Variants in RIT2 observed in about 807,000 individuals in gnomAD.
RIT2 encodes the protein Ras like without CAAX 2.
A neutral mutation model predicts 23.7 loss-of-function variants in RIT2; 24 were observed. The observed-to-expected ratio is 1.01, with a 90% CI of 0.73 to 1.43. The LOEUF (loss-of-function observed/expected upper bound fraction) is 1.43, where lower values mean the gene tolerates loss of function less well. RIT2 is among the 40% of genes most tolerant of loss of function. The pLI is 0.00. For synonymous variants in RIT2, 107 were observed against 91.1 expected, an observed-to-expected ratio of 1.17 and a Z score of -0.99; for missense variants, 236 against 266.9, an observed-to-expected ratio of 0.88 and a Z score of 0.81.
intron 4 of RIT2, among the ~76,000 whole-genome samples, chr18:42,875,886 T>C (rs1268590314): frequency 3.3e-5 from 5 of 151,994 alleles, no homozygotes; most frequent in Admixed American, 3.3e-4. Flanking sequence ...GAAAATAGCA[T>C]AGAAGGGATG....
At chr18:42,813,150 G>A (rs16976953) in intron 4 of RIT2, among the ~76,000 whole-genome samples, 5,369 of 152,188 alleles carry the variant, frequency 0.035, 319 homozygotes, top group African/African-American at 0.12. Context: ...AGATAGTAGC[G>A]TAGTAAGAAT....
intron 1 of RIT2, among the ~76,000 whole-genome samples, chr18:43,061,597 A>G (rs1020621862): frequency 2.0e-5 from 3 of 152,044 alleles, no homozygotes; most frequent in African/African-American, 7.2e-5. Flanking sequence ...TTTCTGTTTT[A>G]CCCACTCTTT....
chr18:42,969,301 T>C (rs915420605), intron 3 of RIT2, among the ~76,000 whole-genome samples: 3 of 152,122 alleles, frequency 2.0e-5, no homozygotes, highest in African/African-American at 7.2e-5. Flanking sequence ...GAAGGGGTCA[T>C]GCCCTTAAGT....
intron 1 of RIT2, among the ~76,000 whole-genome samples, chr18:43,063,966 C>T (rs1598767895): frequency 6.6e-6 from 1 of 152,110 alleles, no homozygotes; most frequent in Admixed American, 6.5e-5. Flanking sequence ...AAACTTCAAT[C>T]ACTGGTTTTA....
chr18:42,847,464 A>G (rs1176051479), intron 4 of RIT2, among the ~76,000 whole-genome samples: 1 of 152,066 alleles, frequency 6.6e-6, no homozygotes, highest in Admixed American at 6.6e-5. Flanking sequence ...TTAAAAAAAA[A>G]TAATAAAAGT....
At chr18:42,955,293 T>C (rs1909946617) in intron 3 of RIT2, among the ~76,000 whole-genome samples, 1 of 152,050 alleles carries the variant, frequency 6.6e-6, no homozygotes, top group African/African-American at 2.4e-5. Flanking sequence ...AGTCCAAGGA[T>C]TCAGATATAA....
chr18:42,795,786 C>T (rs1284413152), intron 4 of RIT2, among the ~76,000 whole-genome samples: 1 of 152,186 alleles, frequency 6.6e-6, no homozygotes, highest in Non-Finnish European at 1.5e-5. Context: ...GGTTTGTAAA[C>T]ACACCAATCA....
chr18:42,825,809 C>G (rs992439533), intron 4 of RIT2, among the ~76,000 whole-genome samples: 1 of 151,888 alleles, frequency 6.6e-6, no homozygotes, highest in Non-Finnish European at 1.5e-5. Flanking sequence ...TAAGGTTTGG[C>G]TAGAATACCC....
rs191857915 is a variant in RIT2, at chr18:42,963,530, T to C, written c.234+10544A>G. 4.6e-5 allele frequency among the ~76,000 whole-genome samples: 7 copies of C among 152,236 alleles called. No individual in the cohort carries two copies. In the East Asian group the frequency reaches 1.4e-3, roughly 29 times the overall value. ...TAACATCATAATATTGCTATATTCA[T>C]GGGAAAAAAAGAAGGAAACATTTTT... On this transcript the variant is annotated intron_variant, in intron 3 of 4. Coordinates refer to ENST00000326695, the MANE Select transcript of RIT2 (RefSeq NM_002930.4).
chr18:42,745,399 T>C (rs975453207), intron 4 of RIT2, among the ~76,000 whole-genome samples: 4 of 152,196 alleles, frequency 2.6e-5, no homozygotes, highest in African/African-American at 7.2e-5. Flanking sequence ...GTGGCTGAGC[T>C]GGGGTGTAAA....
rs1202924540 is a variant in RIT2, at chr18:42,923,821, A to G, written c.235-58T>C. The G allele has an allele frequency of 5.3e-6, 7 of 1,315,908 alleles. No individual in the cohort carries two copies. The East Asian group carries it at 1.6e-4, about 31-fold the overall frequency. 81.5% of individuals were successfully genotyped at this position (1,315,908 alleles called of 1,614,324 possible). On this transcript the variant is annotated intron_variant, in intron 3 of 4. Coordinates refer to ENST00000326695, the MANE Select transcript of RIT2 (RefSeq NM_002930.4). Reference sequence around the variant, plus strand: ...GCTTTCAATATAGCTAATTAATATGAGGTTTAAATGTAATCATTATGAAAT... The same window carrying G: ...GCTTTCAATATAGCTAATTAATATGGGGTTTAAATGTAATCATTATGAAAT...
intron 1 of RIT2, among the ~76,000 whole-genome samples, chr18:43,097,689 C>T (rs1003378064): frequency 1.3e-5 from 2 of 151,856 alleles, no homozygotes; most frequent in African/African-American, 2.4e-5. Flanking sequence ...AGAAGGTCTA[C>T]ATAGAAATCC....
In RIT2 at chr18:43,062,426, C is replaced by T. The variant is rs139943944; in HGVS notation, c.104-28559G>A. On this transcript the variant is annotated intron_variant, in intron 1 of 4. Coordinates refer to ENST00000326695, the MANE Select transcript of RIT2 (RefSeq NM_002930.4). ...ATTCCCATACAGTACAGCCTGTAAT[C>T]CATTATTCTTAGTAGCTGAAAAGAT... Among the ~76,000 whole-genome samples the T allele has an allele frequency of 5.3e-3, 801 of 152,200 alleles. 5 individuals are homozygous for T. Among genetic ancestry groups the T allele is most frequent in the Middle Eastern group, 0.034 (10 of 294 alleles).
rs769689712 is a variant in RIT2 at position 42,854,844 on chromosome 18, A to G, written c.426+68728T>C. On this transcript the variant is annotated intron_variant, in intron 4 of 4. Coordinates refer to ENST00000326695, the MANE Select transcript of RIT2 (RefSeq NM_002930.4). Reference sequence around the variant, plus strand: ...TATGACATAAATACTGAGTAATCCCAACTATTTGCCCTTCCTGCAGGACCC... The same window carrying G: ...TATGACATAAATACTGAGTAATCCCGACTATTTGCCCTTCCTGCAGGACCC... Among the ~76,000 whole-genome samples, 41 of 152,114 alleles carry G rather than the reference A, an allele frequency of 2.7e-4. 1 individual carries two copies. Among genetic ancestry groups the G allele is most frequent in the Non-Finnish European group, 7.4e-5 (5 of 68,006 alleles).
At chr18:42,745,693 C>G (rs1489791187) in intron 4 of RIT2, among the ~76,000 whole-genome samples, 1 of 152,068 alleles carries the variant, frequency 6.6e-6, no homozygotes, top group Non-Finnish European at 1.5e-5. Flanking sequence ...GACTTGCCAG[C>G]AATTGAGCAA....
intron 3 of RIT2, among the ~76,000 whole-genome samples, chr18:42,965,899 A>G (rs1910211488): frequency 6.6e-6 from 1 of 151,692 alleles, no homozygotes; most frequent in South Asian, 2.1e-4. Flanking sequence ...ACTCACCTTC[A>G]CAGAAACAGC....
At chr18:43,107,611 A>G (rs190729309) in intron 1 of RIT2, among the ~76,000 whole-genome samples, 15 of 152,272 alleles carry the variant, frequency 9.9e-5, no homozygotes, top group African/African-American at 1.9e-4. Context: ...ATAAATTCCT[A>G]TAATTACTGG....
At chr18:43,074,340 C>T (rs772150188) in intron 1 of RIT2, among the ~76,000 whole-genome samples, 27 of 152,132 alleles carry the variant, frequency 1.8e-4, no homozygotes, top group Non-Finnish European at 2.9e-4. Context: ...TTTATACATA[C>T]GTGTATGTAT....
intron 4 of RIT2, among the ~76,000 whole-genome samples, chr18:42,806,627 A>G (rs758235821): frequency 1.3e-5 from 2 of 152,322 alleles, no homozygotes; most frequent in South Asian, 2.1e-4. Flanking sequence ...TTACATAATC[A>G]GTGTAAATGT....
Sources: allele counts gnomAD v4.1 joint callset (sites outside exome capture counted in the v4.1 genomes callset), GRCh38; gene constraint gnomAD v4.1.1; transcripts MANE v1.5; gene names NCBI Gene and HGNC (gene_info 2026-07-23, HGNC 2026-07-21).